OAS1: variants seen among roughly 807,000 people sequenced by gnomAD.
OAS1 encodes the protein 2'-5'-oligoadenylate synthetase 1.
Under a neutral mutation model 38.5 loss-of-function variants are expected in OAS1, and 24 were observed. The observed-to-expected ratio is 0.62, with a 90% CI of 0.45 to 0.88. OAS1 has a LOEUF of 0.88. Among genes scored for constraint, OAS1 ranks in the 40% least tolerant of loss-of-function variants. The probability of loss-of-function intolerance (pLI) is 0.00; values close to 1 mark genes in which losing one functional copy is unlikely to be tolerated. For missense variants in OAS1, 482 were observed against 493.9 expected, an observed-to-expected ratio of 0.98 and a Z score of 0.23; for synonymous variants, 169 against 193.9, an observed-to-expected ratio of 0.87 and a Z score of 1.07.
At chr12:112,907,919 C>T (rs886493360) in intron 1 of OAS1, among the ~76,000 whole-genome samples, 1 of 152,210 alleles carries the variant, frequency 6.6e-6, no homozygotes, top group African/African-American at 2.4e-5. Flanking sequence ...CCACTCTCCT[C>T]CCTGTAACTG....
intron 1 of OAS1, among the ~76,000 whole-genome samples, chr12:112,907,984 G>A (rs1011384368): frequency 6.6e-6 from 1 of 152,218 alleles, no homozygotes; most frequent in South Asian, 2.1e-4. Context: ...TTATGCAGCT[G>A]TGGGTATATC....
chr12:112,912,706 A>G (rs1157563820), intron 3 of OAS1, among the ~76,000 whole-genome samples: 1 of 152,228 alleles, frequency 6.6e-6, no homozygotes, highest in Non-Finnish European at 1.5e-5. Flanking sequence ...TTTAGTGGAA[A>G]GAAGACAAGA....
chr12:112,912,616 C>T (rs1179373219), intron 3 of OAS1, among the ~76,000 whole-genome samples: 1 of 152,174 alleles, frequency 6.6e-6, no homozygotes, highest in East Asian at 1.9e-4. Context: ...AAAAGCAGCA[C>T]TGCCCCCAGG....
downstream of OAS1, among the ~76,000 whole-genome samples, chr12:112,922,556 A>G (rs2043536951): frequency 6.6e-6 from 1 of 151,988 alleles, no homozygotes; most frequent in Non-Finnish European, 1.5e-5. Flanking sequence ...TGCCTGCCCT[A>G]TTGCCCTTAT....
intron 5 of OAS1, 21 bp downstream of exon 5, chr12:112,917,721 C>T (rs1306760628): frequency 6.2e-7 from 1 of 1,614,184 alleles, no homozygotes; most frequent in Admixed American, 1.7e-5. Context: ...CTGCTTCCTC[C>T]CTGCCATTCA....
intron 5 of OAS1, 194 bp from the exon 6 acceptor site, chr12:112,919,195 C>A (rs1029207673): frequency 1.8e-6 from 1 of 567,698 alleles, no homozygotes; most frequent in Non-Finnish European, 3.1e-6. Flanking sequence ...AGGCTCTCTG[C>A]AGCTGAGGCA....
intron 5 of OAS1, chr12:112,918,310 G>T: frequency 5.4e-6 from 1 of 186,804 alleles, no homozygotes; most frequent in Non-Finnish European, 1.1e-5. Flanking sequence ...GCCTCCAGCT[G>T]CAACCATGAT....
rs534623536 is a variant in OAS1 at position 112,913,761 on chromosome 12, T to C, written c.654+2526T>C. On this transcript the variant is annotated intron_variant, in intron 3 of 5. Coordinates refer to ENST00000202917, the MANE Select transcript of OAS1 (RefSeq NM_016816.4). ...AAGTTCTTATTTTATCCTGTGAATA[T>C]GATATTCCTAGTTATTTTATTTTTA... 1.1e-4 allele frequency among the ~76,000 whole-genome samples: 17 copies of C among 152,270 alleles called. 1 individual carries two copies. The South Asian group carries it at 2.7e-3, about 24-fold the overall frequency.
chr12:112,930,820 T>TG (rs1465862258), intron 6 of OAS1, among the ~76,000 whole-genome samples: 1 of 152,260 alleles, frequency 6.6e-6, no homozygotes, highest in African/African-American at 2.4e-5. Flanking sequence ...TACGCTCCCC[T>TG]GGGGGTGTCC....
intron 3 of OAS1, among the ~76,000 whole-genome samples, chr12:112,912,864 A>C (rs1297177822): frequency 2.6e-5 from 4 of 152,174 alleles, no homozygotes; most frequent in Non-Finnish European, 5.9e-5. Context: ...CCTCCAACTT[A>C]TATGCTACAT....
At chr12:112,927,503 A>G (rs553174382) in intron 6 of OAS1, among the ~76,000 whole-genome samples, 2 of 152,310 alleles carry the variant, frequency 1.3e-5, no homozygotes, top group South Asian at 2.1e-4. Context: ...GTGTTTGGCC[A>G]TAGGAGACTT....
rs1400128511 is a variant in OAS1, at chr12:112,907,018, G to T, written c.-22G>T. 2.5e-6 allele frequency: 4 copies of T among 1,613,838 alleles called. No individual in the cohort carries two copies. Among genetic ancestry groups the T allele is most frequent in the South Asian group, 2.2e-5 (2 of 91,064 alleles). On this transcript the variant is annotated 5_prime_UTR_variant, in exon 1 of 6. Transcript: ENST00000202917. ...GCAAACAGGTCTGGGAGGCAGTTCT[G>T]TTGCCACTCTCTCTCCTGTCAATGA...
intron 3 of OAS1, among the ~76,000 whole-genome samples, chr12:112,912,305 C>T (rs911328200): frequency 6.6e-6 from 1 of 152,042 alleles, no homozygotes; most frequent in African/African-American, 2.4e-5. Flanking sequence ...GCACTACTGC[C>T]CTCCAGCCTG....
chr12:112,929,327 C>A (rs1235318556), intron 6 of OAS1, among the ~76,000 whole-genome samples: 3 of 152,180 alleles, frequency 2.0e-5, no homozygotes, highest in Admixed American at 6.5e-5. Flanking sequence ...ATATCACACC[C>A]CCATCCATCT....
At chr12:112,929,066 T>A (rs546322565) in intron 6 of OAS1, among the ~76,000 whole-genome samples, 2 of 152,218 alleles carry the variant, frequency 1.3e-5, no homozygotes, top group Admixed American at 6.5e-5. Flanking sequence ...CTTGTGAGCA[T>A]CTCTTTGCTG....
intron 3 of OAS1, among the ~76,000 whole-genome samples, chr12:112,914,819 C>T (rs2043434092): frequency 6.7e-6 from 1 of 150,330 alleles, no homozygotes; most frequent in African/African-American, 2.4e-5. Context: ...ATACATGTGC[C>T]ATGCTGGTGT....
rs775069629 is a variant in OAS1 at position 112,919,423 on chromosome 12, A to G, written c.1073A>G (p.Asp358Gly). 1 of 1,614,058 alleles carries G rather than the reference A, an allele frequency of 6.2e-7. No individual in the cohort carries two copies. The highest frequency in any genetic ancestry group is 2.2e-5 in the East Asian group (1 of 44,872). Residue 358 changes from aspartate to glycine, a missense_variant, in exon 6 of 6, where the codon GAT becomes GGT. By Grantham distance (94) the Asp-to-Gly change is moderately conservative. Transcript: ENST00000202917. ...AACAGTGCAGACGATGAGACCGACG[A>G]TCCCAGGAGGTATCAGAAATATGGT... ...ESNSADDETD[D>G]PRRYQKYGYI...
At chr12:112,907,353 T>G in intron 1 of OAS1, 134 bp downstream of exon 1, 2 of 763,420 alleles carry the variant, frequency 2.6e-6, no homozygotes, top group Non-Finnish European at 4.3e-6. Flanking sequence ...AGAGCTGAGA[T>G]CTTCTGGGAT....
In OAS1 at chr12:112,916,758, C is replaced by A; in HGVS notation, c.884+20C>A. 1 of 1,555,324 alleles carries A rather than the reference C, an allele frequency of 6.4e-7. No homozygotes were observed. The highest frequency in any genetic ancestry group is 8.9e-7 in the Non-Finnish European group (1 of 1,126,774). On this transcript the variant is annotated intron_variant, in intron 4 of 5. Transcript: ENST00000202917. ...ACCCAGGTATGCTATCCCCACATGG[C>A]TTAGCTCCCCTATGTAAATGAACAC...
Sources: allele counts gnomAD v4.1 joint callset (sites outside exome capture counted in the v4.1 genomes callset), GRCh38; gene constraint gnomAD v4.1.1; transcripts MANE v1.5; gene names NCBI Gene and HGNC (gene_info 2026-07-23, HGNC 2026-07-21).